Variants in NMRK2 observed in about 807,000 individuals in gnomAD.
The protein encoded by NMRK2 is NRK 2.
NMRK2 carries 34 observed loss-of-function variants against 24.7 expected under a neutral mutation model. That is an observed-to-expected ratio of 1.37 (90% CI 1.05 to 1.83). NMRK2 has a LOEUF of 1.83. Ranked by LOEUF, NMRK2 falls within the 40% of genes most tolerant of loss-of-function variation. NMRK2 has a pLI of 0.00. For missense variants in NMRK2, 341 were observed against 315.0 expected, an observed-to-expected ratio of 1.08 and a Z score of -0.62; for synonymous variants, 145 against 125.6, an observed-to-expected ratio of 1.15 and a Z score of -1.03.
Position 3,933,630 on chromosome 19 carries a change from G to T in NMRK2, c.-42G>T. On this transcript the variant is annotated 5_prime_UTR_variant, in exon 2 of 8. Transcript: ENST00000168977. Reference sequence around the variant, plus strand: ...CGCACTGCGTGGTCGCACCCTACCCGGGCTGCCTTGGAAGTCGTCCCCGCC... The same window carrying T: ...CGCACTGCGTGGTCGCACCCTACCCTGGCTGCCTTGGAAGTCGTCCCCGCC... 2 of 1,518,250 alleles carry T rather than the reference G, an allele frequency of 1.3e-6. No homozygotes were observed. The highest frequency in any genetic ancestry group is 1.2e-5 in the South Asian group (1 of 82,968). 94.0% of individuals were successfully genotyped at this position (1,518,250 alleles called of 1,614,324 possible). A position where few individuals can be genotyped will look rare whatever the true frequency, so the allele number is the denominator to read the frequency against.
chr19:3,933,898 G>A (rs1710182455), intron 2 of NMRK2, among the ~76,000 whole-genome samples: 1 of 152,034 alleles, frequency 6.6e-6, no homozygotes, highest in Non-Finnish European at 1.5e-5. Context: ...ACTGAGCCCA[G>A]TGTTTCATTT....
intron 7 of NMRK2, 144 bp downstream of exon 7, chr19:3,941,321 C>G (rs1599165992): frequency 1.9e-6 from 1 of 535,670 alleles, no homozygotes; most frequent in Non-Finnish European, 3.3e-6. Context: ...ACGATCTTGG[C>G]TCACTGCAAC....
rs1389499080 is a variant in NMRK2 at position 3,933,665 on chromosome 19, C to T, written c.-7C>T. The T allele has an allele frequency of 2.0e-6, 3 of 1,516,844 alleles. No individual in the cohort carries two copies. Among genetic ancestry groups the T allele is most frequent in the African/African-American group, 2.8e-5 (2 of 70,692 alleles). 94.0% of individuals were successfully genotyped at this position (1,516,844 alleles called of 1,614,324 possible). The stretch of plus-strand genomic sequence containing the variant: ...GGAAGTCGTCCCCGCCGCCCCTCCG[C>T]ACCGGCATGAAGCTCATCGTGGGCA... On this transcript the variant is annotated 5_prime_UTR_variant, in exon 2 of 8. Transcript: ENST00000168977.
At chr19:3,940,202 T>C (rs956170223) in intron 6 of NMRK2, among the ~76,000 whole-genome samples, 18 of 139,444 alleles carry the variant, frequency 1.3e-4, no homozygotes, top group Admixed American at 2.9e-4. Flanking sequence ...CAAAAATTAG[T>C]CGGGCGTAGT....
intron 2 of NMRK2, among the ~76,000 whole-genome samples, chr19:3,934,967 A>G (rs1008938519): frequency 3.9e-5 from 6 of 152,294 alleles, no homozygotes; most frequent in South Asian, 2.1e-4. Context: ...GGCACAAAAT[A>G]ACTTGGATTC....
Position 3,933,533 on chromosome 19 carries a change from GGGCGGCCTCC to G in NMRK2, c.-138_-129del. ...CCATCCCCAGGGGCCGCCTCCCCCGGGGCGGCCTCCAGGCTGCCGAGACCTATAAAGGCGC... is the reference window on the plus strand; with the variant it reads ...CCATCCCCAGGGGCCGCCTCCCCCGGAGGCTGCCGAGACCTATAAAGGCGC... On this transcript the variant is annotated 5_prime_UTR_variant, in exon 2 of 8. Transcript: ENST00000168977. The G allele has an allele frequency of 1.1e-6, 1 of 949,946 alleles. No individual in the cohort carries two copies. Among genetic ancestry groups the G allele is most frequent in the Non-Finnish European group, 1.5e-6 (1 of 672,238 alleles). 58.8% of individuals were successfully genotyped at this position (949,946 alleles called of 1,614,324 possible). A position where few individuals can be genotyped will look rare whatever the true frequency, so the allele number is the denominator to read the frequency against.
intron 2 of NMRK2, among the ~76,000 whole-genome samples, chr19:3,936,020 G>A (rs2039206548): frequency 6.6e-6 from 1 of 152,124 alleles, no homozygotes; most frequent in African/African-American, 2.4e-5. Flanking sequence ...AGACCAGCCT[G>A]GCCGACATGG....
At chr19:3,940,476 C>CA (rs544044431) in intron 6 of NMRK2, among the ~76,000 whole-genome samples, 443 of 151,010 alleles carry the variant, frequency 2.9e-3, no homozygotes, top group African/African-American at 0.01. Flanking sequence ...CCATCTCTAC[C>CA]AAAAAATACA....
At chr19:3,939,047 C>G (rs1275172168) in intron 5 of NMRK2, among the ~76,000 whole-genome samples, 2 of 151,426 alleles carry the variant, frequency 1.3e-5, no homozygotes, top group African/African-American at 2.4e-5. Flanking sequence ...TGGGTTTCAC[C>G]CTATTGGACC....
chr19:3,934,567 G>C (rs564642195), intron 2 of NMRK2, among the ~76,000 whole-genome samples: 3,187 of 129,302 alleles, frequency 0.025, 121 homozygotes, highest in African/African-American at 0.078. Context: ...TTTTTTTTTG[G>C]GGGGGGGGTG....
rs1255697594 is a variant in NMRK2, at chr19:3,938,657, G to T, written c.221G>T (p.Ser74Ile). The T allele has an allele frequency of 5.0e-6, 8 of 1,611,686 alleles. No homozygotes were observed. The highest frequency in any genetic ancestry group is 1.6e-4 in the Middle Eastern group (1 of 6,070). The change falls in exon 5 of 8, where the codon AGC becomes ATC. Residue 74 changes from serine (S) to isoleucine (I), a missense_variant. By Grantham distance (142) the Ser-to-Ile change is moderately radical (BLOSUM62 -2). Coordinates refer to ENST00000168977, the MANE Select transcript of NMRK2 (RefSeq NM_170678.3). Reference sequence around the variant, plus strand: ...CTGGACACCGTGCAGGCCTGGCTGAGCAGCCCGCAGAAGTTTGCCCGTGCC... The same window carrying T: ...CTGGACACCGTGCAGGCCTGGCTGATCAGCCCGCAGAAGTTTGCCCGTGCC... ...AMLDTVQAWL[S>I]SPQKFARAHG...
chr19:3,938,851 T>TTTTTTTTTTTTTTG, intron 5 of NMRK2, 92 bp downstream of exon 5: 1 of 523,120 alleles, frequency 1.9e-6, no homozygotes, highest in South Asian at 6.2e-5. Flanking sequence ...TTTGTTTTGT[T>TTTTTTTTTTTTTTG]TTTTTTTTTT....
At position 3,941,105 on chromosome 19, in the gene NMRK2, C is replaced by T. The variant is rs754838869; in HGVS notation, c.430C>T (p.Leu144Phe). ...CTACACAGTCCCTGATCCCCCCGGC[C>T]TCTTCGATGGCCACGTGTGGCCCAT... ...RNYTVPDPPG[L>F]FDGHVWPMYQ... The change falls in exon 7 of 8, where the codon CTC becomes TTC. Residue 144 changes from leucine (L) to phenylalanine (F), a missense_variant. Physicochemically the swap from Leu to Phe is conservative, Grantham distance 22. Coordinates refer to ENST00000168977, the MANE Select transcript of NMRK2 (RefSeq NM_170678.3). The T allele has an allele frequency of 2.5e-6, 4 of 1,613,606 alleles. No homozygotes were observed. The South Asian group carries it at 3.3e-5, about 13-fold the overall frequency.
chr19:3,942,052 G>T, intron 7 of NMRK2, 31 bp from the exon 8 acceptor site: 1 of 1,600,330 alleles, frequency 6.2e-7, no homozygotes, highest in South Asian at 1.1e-5. Context: ...CCTTCCTCCC[G>T]GCAGCCCTGA....
In NMRK2 at chr19:3,938,602, G is replaced by GT; in HGVS notation, c.167dup (p.Leu57AlafsTer69). 1 of 1,577,372 alleles carries GT rather than the reference G, an allele frequency of 6.3e-7. No homozygotes were observed. The highest frequency in any genetic ancestry group is 8.6e-7 in the Non-Finnish European group (1 of 1,158,648). On this transcript the variant is annotated frameshift_variant and splice_region_variant. Coordinates refer to ENST00000168977, the MANE Select transcript of NMRK2 (RefSeq NM_170678.3). LOFTEE classifies it high-confidence loss of function. ...TGCAATGCCTGCTCCCCTTTCCCCA[G>GT]TGCTGGAGTCTCTGGACATGGAGGC...
In NMRK2 at chr19:3,933,526, T is replaced by TC; in HGVS notation, c.-141dup. 1.2e-6 allele frequency: 1 copy of TC among 852,272 alleles called. No homozygotes were observed. Among genetic ancestry groups the TC allele is most frequent in the Admixed American group, 3.5e-5 (1 of 28,188 alleles). 52.8% of individuals were successfully genotyped at this position (852,272 alleles called of 1,614,324 possible). On this transcript the variant is annotated 5_prime_UTR_variant, in exon 2 of 8. Coordinates refer to ENST00000168977, the MANE Select transcript of NMRK2 (RefSeq NM_170678.3). Reference sequence around the variant, plus strand: ...CTCCGCCCCATCCCCAGGGGCCGCCTCCCCCGGGGCGGCCTCCAGGCTGCC... The same window carrying TC: ...CTCCGCCCCATCCCCAGGGGCCGCCTCCCCCCGGGGCGGCCTCCAGGCTGCC...
intron 2 of NMRK2, among the ~76,000 whole-genome samples, chr19:3,935,912 A>G (rs7248123): frequency 0.79 from 119,711 of 151,804 alleles, 47,444 homozygotes; most frequent in East Asian, 0.99. Context: ...GACTAAATCA[A>G]TTTCCTTATC....
At chr19:3,933,302 CAGG>C (rs2039146894) in intron 1 of NMRK2, 124 bp downstream of exon 1, 2 of 253,460 alleles carry the variant, frequency 7.9e-6, no homozygotes, top group East Asian at 7.6e-5. Context: ...GCTCTCTGGC[CAGG>C]AGGAGGGAAG....
Position 3,942,371 on chromosome 19 carries a change from T to A in NMRK2, c.*98T>A. ...GGGACTGAGCCCCAAGACGCCTCTG[T>A]AACCTCGCTGCAGCTTCAGTAGTAA... On this transcript the variant is annotated 3_prime_UTR_variant, in exon 8 of 8. Coordinates refer to ENST00000168977, the MANE Select transcript of NMRK2 (RefSeq NM_170678.3). 1 of 1,082,378 alleles carries A rather than the reference T, an allele frequency of 9.2e-7. No individual in the cohort carries two copies. Among genetic ancestry groups the A allele is most frequent in the Non-Finnish European group, 1.3e-6 (1 of 761,612 alleles). 67.0% of individuals were successfully genotyped at this position (1,082,378 alleles called of 1,614,324 possible).
Sources: allele counts gnomAD v4.1 joint callset (sites outside exome capture counted in the v4.1 genomes callset), GRCh38; gene constraint gnomAD v4.1.1; transcripts MANE v1.5; gene names NCBI Gene and HGNC (gene_info 2026-07-23, HGNC 2026-07-21).